ZNF554: variants seen among roughly 807,000 people sequenced by gnomAD.
ZNF554 encodes zinc finger protein 554.
A neutral mutation model predicts 21.2 loss-of-function variants in ZNF554; 15 were observed. That is an observed-to-expected ratio of 0.71 (90% confidence interval 0.47 to 1.09). The LOEUF (loss-of-function observed/expected upper bound fraction) is 1.09. Ranked by LOEUF, ZNF554 falls within the 50% of genes least tolerant of loss-of-function variation. The probability of loss-of-function intolerance (pLI) is 0.00; values close to 1 mark genes in which losing one functional copy is unlikely to be tolerated. For synonymous variants in ZNF554, 258 were observed against 251.4 expected, an observed-to-expected ratio of 1.03 and a Z score of -0.25; for missense variants, 691 against 662.7, an observed-to-expected ratio of 1.04 and a Z score of -0.47.
chr19:2,826,670 T>G (rs1274971214), intron 2 of ZNF554, among the ~76,000 whole-genome samples: 1 of 151,608 alleles, frequency 6.6e-6, no homozygotes. Flanking sequence ...TCCTCTTTTT[T>G]TTTTTTTTTG....
At chr19:2,830,637 C>G (rs1262582949) in intron 3 of ZNF554, 1 of 152,162 alleles carries the variant, frequency 6.6e-6, no homozygotes, top group African/African-American at 2.4e-5. Flanking sequence ...ACTTTGTTGC[C>G]CAGGCTGGAG....
chr19:2,824,430 C>T (rs148692959), intron 2 of ZNF554, among the ~76,000 whole-genome samples: 53 of 152,360 alleles, frequency 3.5e-4, no homozygotes, highest in Admixed American at 1.2e-3. Flanking sequence ...CACCTCCCTG[C>T]TGCTGCTGAC....
chr19:2,825,094 C>T (rs1465470388), intron 2 of ZNF554, among the ~76,000 whole-genome samples: 1 of 149,018 alleles, frequency 6.7e-6, no homozygotes, highest in Non-Finnish European at 1.5e-5. Context: ...CTCACTGCAA[C>T]CTCTGCCGCC....
chr19:2,823,143 C>G (rs185093961), intron 2 of ZNF554, 31 bp downstream of exon 2: 1 of 1,597,766 alleles, frequency 6.3e-7, no homozygotes, highest in Non-Finnish European at 8.6e-7. Context: ...CAAAGGGCAC[C>G]CAGTATATCC....
intron 1 of ZNF554, among the ~76,000 whole-genome samples, chr19:2,822,260 A>G (rs2087274196): frequency 6.6e-6 from 1 of 152,006 alleles, no homozygotes; most frequent in African/African-American, 2.4e-5. Context: ...CATGTTGGCC[A>G]GGCTGGTCTT....
At chr19:2,830,074 G>A (rs1016534489) in intron 3 of ZNF554, among the ~76,000 whole-genome samples, 6 of 151,986 alleles carry the variant, frequency 3.9e-5, no homozygotes, top group African/African-American at 1.2e-4. Flanking sequence ...ACAGGCGCCC[G>A]CCACCATGCC....
At chr19:2,826,548 C>G (rs192986972) in intron 2 of ZNF554, among the ~76,000 whole-genome samples, 181 of 152,194 alleles carry the variant, frequency 1.2e-3, no homozygotes, top group Non-Finnish European at 1.7e-3. Context: ...CTGTTTTATA[C>G]CATGGATTAC....
intron 3 of ZNF554, 45 bp downstream of exon 3, chr19:2,827,788 A>G: frequency 6.2e-7 from 1 of 1,610,368 alleles, no homozygotes; most frequent in South Asian, 1.1e-5. Context: ...ATTCACATTT[A>G]TCTGGTGTAT....
intron 3 of ZNF554, among the ~76,000 whole-genome samples, chr19:2,830,158 A>G (rs989316413): frequency 2.0e-5 from 3 of 152,130 alleles, no homozygotes; most frequent in African/African-American, 7.2e-5. Flanking sequence ...GATGGTCTCA[A>G]TCTCCTGACC....
rs1372212427 is a variant in ZNF554 at position 2,833,713 on chromosome 19, A to G, written c.478A>G (p.Thr160Ala). Residue 160 changes from threonine to alanine, a missense_variant, in exon 5 of 5, where the codon ACT becomes GCT. Coordinates refer to ENST00000317243, the MANE Select transcript of ZNF554 (RefSeq NM_001102651.2). ...WMTVLRNQDS[T>A]YKKVALQEEP... ...GACTGTACTAAGAAACCAAGACTCAACTTACAAGAAGGTGGCTTTGCAGGA... is the reference window on the plus strand; with the variant it reads ...GACTGTACTAAGAAACCAAGACTCAGCTTACAAGAAGGTGGCTTTGCAGGA... The G allele has an allele frequency of 3.3e-6, 5 of 1,537,092 alleles. No individual in the cohort carries two copies. In the Admixed American group the frequency reaches 1.1e-4, roughly 33 times the overall value.
In ZNF554 at chr19:2,834,901, A is replaced by G. The variant is rs1162858008; in HGVS notation, c.*49A>G. 1 of 1,479,920 alleles carries G rather than the reference A, an allele frequency of 6.8e-7. No homozygotes were observed. Among genetic ancestry groups the G allele is most frequent in the Admixed American group, 2.1e-5 (1 of 46,812 alleles). 91.7% of individuals were successfully genotyped at this position (1,479,920 alleles called of 1,614,324 possible). The stretch of plus-strand genomic sequence containing the variant: ...CACTTTTTAGTACTCTGACACATAC[A>G]TGTGGTTATCTTTTGCCCTGTTGTG... On this transcript the variant is annotated 3_prime_UTR_variant, in exon 5 of 5. Transcript: ENST00000317243.
rs2087477275 is a variant in ZNF554 at position 2,834,754 on chromosome 19, C to T, written c.1519C>T (p.Leu507Phe). Residue 507 changes from leucine to phenylalanine, a missense_variant, in exon 5 of 5, where the codon CTT (leucine) becomes TTT (phenylalanine). Transcript: ENST00000317243. ...GAAAGCCTTCAGCCAGAGCTCATCC[C>T]TTGTCACACATCAGAAAACTCACAG... ...CGKAFSQSSSLVTHQKTHSSQ... is the reference protein window; with the variant it reads ...CGKAFSQSSSFVTHQKTHSSQ... 1 of 1,613,782 alleles carries T rather than the reference C, an allele frequency of 6.2e-7. No homozygotes were observed.
chr19:2,830,909 A>G (rs1257757255), intron 3 of ZNF554: 1 of 152,026 alleles, frequency 6.6e-6, no homozygotes, highest in Non-Finnish European at 1.5e-5. Flanking sequence ...GATTACAGGC[A>G]TGCGCCACCA....
intron 1 of ZNF554, 116 bp from the exon 2 acceptor site, chr19:2,822,924 C>T: frequency 2.1e-6 from 2 of 965,138 alleles, no homozygotes; most frequent in Non-Finnish European, 1.6e-6. Flanking sequence ...TTCAGTTTAC[C>T]TCCCTCTGTG....
At chr19:2,822,346 C>G (rs113562302) in intron 1 of ZNF554, among the ~76,000 whole-genome samples, 1 of 152,106 alleles carries the variant, frequency 6.6e-6, no homozygotes, top group Non-Finnish European at 1.5e-5. Context: ...CCACCATACC[C>G]GAGCTTTTCC....
intron 1 of ZNF554, among the ~76,000 whole-genome samples, chr19:2,820,585 C>G (rs936132844): frequency 2.6e-5 from 4 of 151,950 alleles, no homozygotes; most frequent in Admixed American, 6.6e-5. Context: ...CCCTGCCCAG[C>G]CCAGAGAATG....
intron 3 of ZNF554, 35 bp from the exon 4 acceptor site, chr19:2,832,268 G>A (rs746390878): frequency 2.0e-6 from 3 of 1,522,742 alleles, no homozygotes; most frequent in Non-Finnish European, 1.8e-6. Flanking sequence ...TCATTATCTT[G>A]TGCTACCTCT....
intron 1 of ZNF554, 33 bp downstream of exon 1, chr19:2,820,157 C>T (rs568866110): frequency 1.6e-6 from 2 of 1,217,710 alleles, no homozygotes; most frequent in South Asian, 8.1e-5. Context: ...CCGCGACCTC[C>T]GTGCCGGGCC....
At position 2,832,366 on chromosome 19, in the gene ZNF554, C is replaced by G. The variant is rs148243128; in HGVS notation, c.317C>G (p.Thr106Ser). 1,338 of 1,614,102 alleles carry G rather than the reference C, an allele frequency of 8.3e-4. 10 individuals are homozygous for G. The African/African-American group carries it at 0.016, about 20-fold the overall frequency. ...GAGGGTCCACTTTCCCCAGCACAAA[C>G]CTCACAAGTCACTAGTCTTTCCTCA... ...IKEGPLSPAQ[T>S]SQVTSLSSWT... The change falls in exon 4 of 5, where the codon ACC becomes AGC. Residue 106 changes from threonine to serine, a missense_variant. Physicochemically the swap from Thr to Ser is moderately conservative, Grantham distance 58. Transcript: ENST00000317243.
Sources: gnomAD v4.1 joint callset for allele counts (sites outside exome capture counted in the v4.1 genomes callset) on GRCh38, gnomAD v4.1.1 for gene constraint, MANE v1.5 for transcripts, NCBI Gene and HGNC (gene_info 2026-07-23, HGNC 2026-07-21) for gene names.